The following NT5C2 variants were observed in gnomAD, a reference collection of about 807,000 sequenced individuals.
NT5C2 encodes the protein 5'-nucleotidase, cytosolic II, also known as cytosolic purine 5'-nucleotidase.
Under a neutral mutation model 76.1 loss-of-function variants are expected in NT5C2, and 58 were observed. That is an observed-to-expected ratio of 0.76 (90% CI 0.62 to 0.95). The LOEUF is 0.95. Among genes scored for constraint, NT5C2 ranks in the 40% least tolerant of loss-of-function variants. The probability of loss-of-function intolerance (pLI) is 0.00; values close to 1 mark genes in which losing one functional copy is unlikely to be tolerated. For synonymous variants in NT5C2, 229 were observed against 237.4 expected (o/e 0.96, Z 0.32); for missense variants, 478 against 690.3 (o/e 0.69, Z 3.45).
intron 11 of NT5C2, among the ~76,000 whole-genome samples, chr10:103,097,046 TTAAA>T (rs754265936): frequency 3.3e-5 from 5 of 151,966 alleles, no homozygotes; most frequent in African/African-American, 9.7e-5. Flanking sequence ...TACAAATGTT[TTAAA>T]TAACCCCAAG....
intron 4 of NT5C2, among the ~76,000 whole-genome samples, chr10:103,110,254 G>C (rs1240165516): frequency 6.6e-6 from 1 of 151,962 alleles, no homozygotes; most frequent in Non-Finnish European, 1.5e-5. Context: ...TCAGGAGTTT[G>C]AGACCACCCT....
chr10:103,094,484 A>C, intron 12 of NT5C2, 29 bp from the exon 13 acceptor site: 1 of 1,170,766 alleles, frequency 8.5e-7, no homozygotes, highest in Non-Finnish European at 1.3e-6. Context: ...CAAAAGTTGA[A>C]ACATCACTCC....
At chr10:103,142,810 C>T (rs1207324744) in intron 3 of NT5C2, among the ~76,000 whole-genome samples, 1 of 151,952 alleles carries the variant, frequency 6.6e-6, no homozygotes, top group African/African-American at 2.4e-5. Context: ...TGGTGAAACC[C>T]TGTCTCTACT....
intron 4 of NT5C2, among the ~76,000 whole-genome samples, chr10:103,126,092 T>C (rs2076586506): frequency 6.6e-6 from 1 of 152,116 alleles, no homozygotes; most frequent in Non-Finnish European, 1.5e-5. Flanking sequence ...ATGAAAAACC[T>C]GGGGTATAGA....
intron 1 of NT5C2, among the ~76,000 whole-genome samples, chr10:103,189,949 C>T (rs2092487499): frequency 1.4e-5 from 2 of 147,728 alleles, no homozygotes; most frequent in Non-Finnish European, 3.0e-5. Context: ...GGATTACAGG[C>T]GTGAGCCACC....
At chr10:103,180,523 G>A (rs1004227878) in intron 2 of NT5C2, among the ~76,000 whole-genome samples, 1 of 152,148 alleles carries the variant, frequency 6.6e-6, no homozygotes, top group Non-Finnish European at 1.5e-5. Flanking sequence ...CTTGAACCCA[G>A]GAGTTCAAGA....
intron 3 of NT5C2, among the ~76,000 whole-genome samples, chr10:103,169,060 C>T (rs1247075887): frequency 1.3e-5 from 2 of 152,034 alleles, no homozygotes; most frequent in East Asian, 1.9e-4. Flanking sequence ...AGATACAAGT[C>T]TGATGACTAC....
intron 16 of NT5C2, 61 bp from the exon 17 acceptor site, chr10:103,091,057 G>T: frequency 6.9e-7 from 1 of 1,453,480 alleles, no homozygotes; most frequent in South Asian, 1.1e-5. Flanking sequence ...TATTCTTTAA[G>T]ACAGTCTCAT....
chr10:103,089,949 CA>C, intron 18 of NT5C2, 41 bp from the exon 19 acceptor site: 1 of 1,522,980 alleles, frequency 6.6e-7, no homozygotes, highest in Non-Finnish European at 8.9e-7. Flanking sequence ...GCAGGCAGAG[CA>C]AAGTAGCTAC....
intron 3 of NT5C2, among the ~76,000 whole-genome samples, chr10:103,163,873 A>C (rs1367758051): frequency 2.0e-5 from 3 of 148,418 alleles, no homozygotes; most frequent in Non-Finnish European, 4.5e-5. Context: ...AAAAAAAACA[A>C]AAAAAAAAAA....
At chr10:103,141,888 G>A (rs2080488956) in intron 3 of NT5C2, among the ~76,000 whole-genome samples, 1 of 152,150 alleles carries the variant, frequency 6.6e-6, no homozygotes, top group South Asian at 2.1e-4. Context: ...AATAATTTCA[G>A]CAATTCAGTA....
At chr10:103,183,262 GATATATA>G (rs1365765797) in intron 1 of NT5C2, among the ~76,000 whole-genome samples, 3 of 73,344 alleles carry the variant, frequency 4.1e-5, no homozygotes, top group Non-Finnish European at 7.0e-5. Flanking sequence ...GTGTGTGTGT[GATATATA>G]TATATATATA....
intron 4 of NT5C2, among the ~76,000 whole-genome samples, chr10:103,115,021 C>T (rs957848527): frequency 1.3e-5 from 2 of 152,324 alleles, no homozygotes; most frequent in Non-Finnish European, 2.9e-5. Context: ...AACAAACATC[C>T]AGAGAATGTG....
At chr10:103,147,466 A>G (rs1194961357) in intron 3 of NT5C2, among the ~76,000 whole-genome samples, 1 of 152,210 alleles carries the variant, frequency 6.6e-6, no homozygotes, top group African/African-American at 2.4e-5. Context: ...GGAACTATCA[A>G]TATTCTGGTT....
At chr10:103,093,872 A>G (rs1042745522) in intron 14 of NT5C2, 100 bp downstream of exon 14, 1 of 848,442 alleles carries the variant, frequency 1.2e-6, no homozygotes, top group South Asian at 1.5e-5. Flanking sequence ...GACATCTTAG[A>G]CTACTAAACA....
intron 11 of NT5C2, among the ~76,000 whole-genome samples, chr10:103,096,845 C>CAAAAAAA (rs71019656): frequency 1.3e-4 from 4 of 31,374 alleles, no homozygotes; most frequent in African/African-American, 2.4e-4. Context: ...GACTCTGTCT[C>CAAAAAAA]AAAAAAAAAA....
At position 103,096,050 on chromosome 10, in the gene NT5C2, C is replaced by T. The variant is rs1247250167; in HGVS notation, c.772-70G>A. ...AAAGGTATATAACCTAAAGAAATTA[C>T]AAGCTTTTCACAAAACATGTCTTTT... is the stretch of plus-strand genomic sequence containing the variant. On this transcript the variant is annotated intron_variant, in intron 11 of 18. Transcript: ENST00000404739. 5 of 1,098,592 alleles carry T rather than the reference C, an allele frequency of 4.6e-6. 1 individual carries two copies. The highest frequency in any genetic ancestry group is 5.6e-6 in the Non-Finnish European group (4 of 717,778). The allele number at this position is 1,098,592 out of a possible 1,614,324, so 68.1% of individuals were successfully genotyped here. A position where few individuals can be genotyped will look rare whatever the true frequency, so the allele number is the denominator to read the frequency against.
chr10:103,096,196 G>A (rs1049052978), intron 11 of NT5C2, among the ~76,000 whole-genome samples: 1 of 152,172 alleles, frequency 6.6e-6, no homozygotes, highest in African/African-American at 2.4e-5. Flanking sequence ...ACATTCTCAG[G>A]GAGGATACAT....
intron 4 of NT5C2, among the ~76,000 whole-genome samples, chr10:103,129,459 C>T (rs1335628513): frequency 6.4e-5 from 7 of 109,772 alleles, no homozygotes; most frequent in Non-Finnish European, 9.9e-5. Flanking sequence ...CCAGCCACCC[C>T]GTCCGGGAGG....
Sources: gnomAD v4.1 joint callset for allele counts (sites outside exome capture counted in the v4.1 genomes callset) on GRCh38, gnomAD v4.1.1 for gene constraint, MANE v1.5 for transcripts, NCBI Gene and HGNC (gene_info 2026-07-23, HGNC 2026-07-21) for gene names.